MAPK10: variants seen among roughly 807,000 people sequenced by gnomAD.
The protein encoded by MAPK10 is mitogen-activated protein kinase 10, also known as JNK3 alpha protein kinase.
Under a neutral mutation model 59.3 loss-of-function variants are expected in MAPK10, and 25 were observed. That is an observed-to-expected ratio of 0.42 (90% CI 0.31 to 0.59). The LOEUF is 0.59. Among genes scored for constraint, MAPK10 ranks in the 20% least tolerant of loss-of-function variants. The pLI, the probability that MAPK10 is intolerant of heterozygous loss-of-function variation, is 0.15. For synonymous variants in MAPK10, 190 were observed against 200.5 expected (o/e 0.95, Z 0.44); for missense variants, 351 against 568.9 (o/e 0.62, Z 3.90).
At chr4:86,511,189 A>G (rs752628051) in intron 1 of MAPK10, among the ~76,000 whole-genome samples, 5 of 152,160 alleles carry the variant, frequency 3.3e-5, no homozygotes, top group Non-Finnish European at 5.9e-5. Flanking sequence ...TTTTTATTTT[A>G]AAAACAGGTT....
chr4:86,467,557 G>A (rs1752313357), intron 1 of MAPK10, among the ~76,000 whole-genome samples: 1 of 152,108 alleles, frequency 6.6e-6, no homozygotes, highest in African/African-American at 2.4e-5. Context: ...GTTTCGCTCT[G>A]TCACCAGGCT....
At chr4:86,035,911 G>C (rs894234868) in intron 11 of MAPK10, among the ~76,000 whole-genome samples, 1 of 152,194 alleles carries the variant, frequency 6.6e-6, no homozygotes, top group Non-Finnish European at 1.5e-5. Flanking sequence ...AACAGCAAGT[G>C]ATGTTTGTTG....
intron 3 of MAPK10, among the ~76,000 whole-genome samples, chr4:86,175,552 T>C (rs752082800): frequency 2.0e-5 from 3 of 152,036 alleles, no homozygotes; most frequent in Non-Finnish European, 4.4e-5. Flanking sequence ...TCGTGAGATC[T>C]GGTTGTTTAA....
At chr4:86,473,395 A>C (rs890894494) in intron 1 of MAPK10, among the ~76,000 whole-genome samples, 2 of 152,234 alleles carry the variant, frequency 1.3e-5, no homozygotes, top group Non-Finnish European at 2.9e-5. Flanking sequence ...ATTACCAAAA[A>C]TTTCATTCAA....
chr4:86,060,907 T>C (rs2045635720), intron 11 of MAPK10, among the ~76,000 whole-genome samples: 1 of 152,134 alleles, frequency 6.6e-6, no homozygotes. Flanking sequence ...CAGCTAGTCT[T>C]TTTCACCAGA....
intron 1 of MAPK10, among the ~76,000 whole-genome samples, chr4:86,479,490 CTT>C (rs1753403995): frequency 7.6e-6 from 1 of 131,588 alleles, no homozygotes; most frequent in Non-Finnish European, 1.7e-5. Flanking sequence ...AAAAAAAAAA[CTT>C]GTCGTCCCTA....
intron 1 of MAPK10, among the ~76,000 whole-genome samples, chr4:86,387,650 G>A (rs1232834666): frequency 6.6e-6 from 1 of 152,046 alleles, no homozygotes; most frequent in Non-Finnish European, 1.5e-5. Flanking sequence ...GAAAGCCTTG[G>A]TTGCCTTGGT....
intron 1 of MAPK10, among the ~76,000 whole-genome samples, chr4:86,554,877 C>T (rs1438548367): frequency 2.6e-5 from 4 of 152,224 alleles, no homozygotes. Flanking sequence ...TCATTTCCTT[C>T]CACTCCCCAC....
intron 4 of MAPK10, among the ~76,000 whole-genome samples, chr4:86,115,883 T>C (rs891849900): frequency 3.3e-5 from 5 of 152,228 alleles, no homozygotes; most frequent in Admixed American, 1.3e-4. Flanking sequence ...CTTACACTAA[T>C]ATGTCAGCAC....
At chr4:86,451,825 C>T (rs1013635449) in intron 1 of MAPK10, among the ~76,000 whole-genome samples, 3 of 152,092 alleles carry the variant, frequency 2.0e-5, no homozygotes, top group East Asian at 1.9e-4. Context: ...TTTTAGATCT[C>T]GAGTCCAAAG....
chr4:86,395,551 C>T lies in MAPK10; in HGVS notation c.-121-40907G>A, dbSNP rs73838714. Among the ~76,000 whole-genome samples the T allele has an allele frequency of 1.7e-3, 264 of 152,154 alleles. 1 individual carries two copies. Among genetic ancestry groups the T allele is most frequent in the African/African-American group, 5.3e-3 (221 of 41,524 alleles). On this transcript the variant is annotated intron_variant, in intron 1 of 13. Transcript: ENST00000361569. ...CACCAGGTATTGATAGTTTTTGGGG[C>T]GGAGGGAGTTGTGGCTGGAGTGAGG... is the stretch of plus-strand genomic sequence containing the variant.
chr4:86,509,586 G>T (rs564717236), intron 1 of MAPK10, among the ~76,000 whole-genome samples: 25 of 152,046 alleles, frequency 1.6e-4, no homozygotes, highest in Middle Eastern at 3.2e-3. Flanking sequence ...GCAACTTGGA[G>T]ATTTTGACTT....
chr4:86,051,687 T>C (rs1489659471), intron 11 of MAPK10, among the ~76,000 whole-genome samples: 2 of 152,220 alleles, frequency 1.3e-5, no homozygotes, highest in African/African-American at 4.8e-5. Flanking sequence ...CTGTCAAACT[T>C]CTTAGTTTAC....
chr4:86,562,940 GCT>G (rs1760787350), intron 1 of MAPK10, among the ~76,000 whole-genome samples: 2 of 152,126 alleles, frequency 1.3e-5, no homozygotes, highest in South Asian at 4.1e-4. Flanking sequence ...AGCTGAAACT[GCT>G]CTCTGTCATC....
intron 11 of MAPK10, among the ~76,000 whole-genome samples, chr4:86,052,404 G>A (rs1333737440): frequency 6.6e-6 from 1 of 152,048 alleles, no homozygotes; most frequent in Non-Finnish European, 1.5e-5. Context: ...TAAATTTGGA[G>A]TAAAGGAACT....
chr4:86,487,362 AGTGTGTGTGTGT>A (rs35053159), intron 1 of MAPK10, among the ~76,000 whole-genome samples: 1 of 148,718 alleles, frequency 6.7e-6, no homozygotes, highest in Non-Finnish European at 1.5e-5. Flanking sequence ...AGAGAGAGAG[AGTGTGTGTGTGT>A]GTGTGTGTGT....
At chr4:86,416,945 G>A (rs991572701) in intron 1 of MAPK10, among the ~76,000 whole-genome samples, 3 of 152,106 alleles carry the variant, frequency 2.0e-5, no homozygotes, top group African/African-American at 7.2e-5. Context: ...ACATAGGTGG[G>A]TTATATGTGG....
Position 86,017,445 on chromosome 4 carries a change from G to T in MAPK10, c.1253-75C>A. On this transcript the variant is annotated intron_variant, in intron 13 of 13. Transcript: ENST00000641462. This position sits in a 1 kb window ranked among gnomAD's most constrained non-coding sequence, Gnocchi z 4.4. The stretch of plus-strand genomic sequence containing the variant: ...ATCTTAATGCCATTCAGGATTCAGG[G>T]ATGGGCAAATACAATAGGGGATGTC... The T allele has an allele frequency of 6.5e-7, 1 of 1,541,780 alleles. No individual in the cohort carries two copies. The highest frequency in any genetic ancestry group is 8.9e-7 in the Non-Finnish European group (1 of 1,122,346).
chr4:86,091,939 TG>T (rs1433370321), intron 9 of MAPK10, among the ~76,000 whole-genome samples: 1 of 152,120 alleles, frequency 6.6e-6, no homozygotes, highest in East Asian at 1.9e-4. Context: ...CCCAAAGTGC[TG>T]GGATTACAGG....
Sources: gnomAD v4.1 joint callset for allele counts (sites outside exome capture counted in the v4.1 genomes callset) on GRCh38, gnomAD v4.1.1 for gene constraint, Gnocchi (gnomAD v3.1) non-coding constraint, MANE v1.5 for transcripts, NCBI Gene and HGNC (gene_info 2026-07-23, HGNC 2026-07-21) for gene names.